OSBPL9: variants seen among roughly 807,000 people sequenced by gnomAD.
OSBPL9 encodes oxysterol-binding protein-related protein 9.
A neutral mutation model predicts 106.6 loss-of-function variants in OSBPL9; 40 were observed. That is an observed-to-expected ratio of 0.38 (90% CI 0.29 to 0.49). The LOEUF is 0.49. Among genes scored for constraint, OSBPL9 ranks in the 20% least tolerant of loss-of-function variants. The pLI, the probability that OSBPL9 is intolerant of heterozygous loss-of-function variation, is 0.97. For synonymous variants in OSBPL9, 269 were observed against 295.4 expected (o/e 0.91, Z 0.92); for missense variants, 609 against 887.2 (o/e 0.69, Z 3.98).
chr1:51,678,071 T>C (rs1651708883), intron 3 of OSBPL9, among the ~76,000 whole-genome samples: 1 of 151,936 alleles, frequency 6.6e-6, no homozygotes. Flanking sequence ...TAGTCCCAGC[T>C]ACTCTGAAAG....
At chr1:51,519,677 T>C in the OSBPL9 span, among the ~76,000 whole-genome samples, 1 of 152,170 alleles carries the variant, frequency 6.6e-6, no homozygotes, top group African/African-American at 2.4e-5. Context: ...TAGAAAATAA[T>C]AATGGCACTT....
At chr1:51,684,527 G>A (rs1653309845) in intron 3 of OSBPL9, among the ~76,000 whole-genome samples, 1 of 152,108 alleles carries the variant, frequency 6.6e-6, no homozygotes. Context: ...AAGAAAAAAA[G>A]TTTATTTATT....
chr1:51,662,022 G>A lies in OSBPL9; in HGVS notation c.163-7412G>A, dbSNP rs545472349. On this transcript the variant is annotated intron_variant, in intron 2 of 23. Coordinates refer to ENST00000428468, the MANE Select transcript of OSBPL9 (RefSeq NM_024586.6). The stretch of plus-strand genomic sequence containing the variant: ...ATGAAAGGGGGATCTATTCATTATT[G>A]AGCCAGGACAACAGGAATAATCCAG... 6.0e-4 allele frequency among the ~76,000 whole-genome samples: 92 copies of A among 152,212 alleles called. 2 individuals are homozygous for A. The South Asian group carries it at 0.019, about 31-fold the overall frequency.
chr1:51,705,414 T>A (rs1374890751), intron 3 of OSBPL9, among the ~76,000 whole-genome samples: 129 of 113,826 alleles, frequency 1.1e-3, no homozygotes, highest in Non-Finnish European at 1.6e-3. Context: ...TTTTTTTTTT[T>A]TTTTTTTTTT....
Position 51,785,653 on chromosome 1 carries a change from GT to G in OSBPL9, c.1830-153del, listed in dbSNP as rs927355419. 2.8e-5 allele frequency: 17 copies of G among 606,308 alleles called. No homozygotes were observed. In the African/African-American group the frequency reaches 3.1e-4, roughly 11 times the overall value. The allele number at this position is 606,308 out of a possible 1,614,324, so 37.6% of individuals were successfully genotyped here. On this transcript the variant is annotated intron_variant, in intron 20 of 23. Transcript: ENST00000428468. ...CCTGTTGAAGGCCCTCATTCTTATA[GT>G]TAGCCCTGGGGAGTCCAGTTCTGTT... is the stretch of plus-strand genomic sequence containing the variant.
chr1:51,633,656 CTG>C (rs1386213903), intron 1 of OSBPL9, among the ~76,000 whole-genome samples: 1 of 152,020 alleles, frequency 6.6e-6, no homozygotes, highest in Non-Finnish European at 1.5e-5. Flanking sequence ...GTCTTGCACT[CTG>C]TCACGGGGGC....
Position 51,606,823 on chromosome 1 carries a change from C to T in OSBPL9, c.-352-7482C>T, listed in dbSNP as rs575646748. Among the ~76,000 whole-genome samples, 4 of 152,166 alleles carry T rather than the reference C, an allele frequency of 2.6e-5. No individual in the cohort carries two copies. The East Asian group carries it at 7.7e-4, about 29-fold the overall frequency. On this transcript the variant is annotated intron_variant, in intron 2 of 25. Transcript: ENST00000371714. ...CAGCACTTTGGGAGGCCAAGGCGGGCAGATCACGAGGTCAGGAGATCGAGA... is the reference window on the plus strand; with the variant it reads ...CAGCACTTTGGGAGGCCAAGGCGGGTAGATCACGAGGTCAGGAGATCGAGA...
chr1:51,654,667 C>A (rs1431965440), intron 2 of OSBPL9, among the ~76,000 whole-genome samples: 1 of 152,022 alleles, frequency 6.6e-6, no homozygotes, highest in East Asian at 1.9e-4. Context: ...AAGTGGCCAT[C>A]CACTGATGAA....
Position 51,789,089 on chromosome 1 carries a change from C to CAA in OSBPL9, c.*1302_*1303dup, listed in dbSNP as rs202013399. 7,753 of 797,012 alleles carry CAA rather than the reference C, an allele frequency of 9.7e-3. 54 individuals carry two copies. Among genetic ancestry groups the CAA allele is most frequent in the South Asian group, 0.014 (846 of 59,222 alleles). 49.4% of individuals were successfully genotyped at this position (797,012 alleles called of 1,614,324 possible). A position where few individuals can be genotyped will look rare whatever the true frequency, so the allele number is the denominator to read the frequency against. ...GTAACCCTGGGTTTATTAGTCTCAA[C>CAA]AAAGGATAAAAAGTAAATCAAATGC... On this transcript the variant is annotated 3_prime_UTR_variant, in exon 24 of 24. Coordinates refer to ENST00000428468, the MANE Select transcript of OSBPL9 (RefSeq NM_024586.6).
intron 1 of OSBPL9, among the ~76,000 whole-genome samples, chr1:51,588,564 T>A (rs1570532640): frequency 6.6e-6 from 1 of 151,888 alleles, no homozygotes; most frequent in Admixed American, 6.6e-5. Flanking sequence ...AGTGGGATGG[T>A]CACTTGAGCT....
At chr1:51,694,115 T>G (rs1469570309) in intron 3 of OSBPL9, among the ~76,000 whole-genome samples, 2 of 152,214 alleles carry the variant, frequency 1.3e-5, no homozygotes, top group East Asian at 3.8e-4. Context: ...TTAAGGACTT[T>G]AAACAGCTTT....
chr1:51,626,970 G>A (rs969363423), intron 1 of OSBPL9, among the ~76,000 whole-genome samples: 3 of 152,122 alleles, frequency 2.0e-5, no homozygotes, highest in African/African-American at 7.2e-5. Flanking sequence ...GCTATAATGG[G>A]TAGGTCTGAT....
chr1:51,727,535 G>A (rs1663349725), intron 4 of OSBPL9, among the ~76,000 whole-genome samples: 1 of 152,222 alleles, frequency 6.6e-6, no homozygotes, highest in Non-Finnish European at 1.5e-5. Flanking sequence ...AGAAAGCAGA[G>A]CAGTGGTTCA....
intron 4 of OSBPL9, among the ~76,000 whole-genome samples, chr1:51,728,829 T>C (rs1571363222): frequency 6.6e-6 from 1 of 152,280 alleles, no homozygotes; most frequent in East Asian, 1.9e-4. Context: ...CTGGCCAGCA[T>C]CGCGCTGTTT....
chr1:51,784,114 A>T, intron 18 of OSBPL9, 89 bp downstream of exon 18: 2 of 1,407,114 alleles, frequency 1.4e-6, no homozygotes, highest in Non-Finnish European at 2.0e-6. Flanking sequence ...GCAACTAAGC[A>T]TTGGTATTGG....
At chr1:51,731,311 G>T (rs1664343230) in intron 4 of OSBPL9, among the ~76,000 whole-genome samples, 1 of 151,958 alleles carries the variant, frequency 6.6e-6, no homozygotes, top group African/African-American at 2.4e-5. Context: ...AGCTGAGCGT[G>T]GTGGTGATGT....
intron 3 of OSBPL9, among the ~76,000 whole-genome samples, chr1:51,691,972 CA>C (rs1301055489): frequency 6.6e-6 from 1 of 152,042 alleles, no homozygotes; most frequent in Non-Finnish European, 1.5e-5. Context: ...GGCTGTTTTA[CA>C]GCTTTAAAAA....
intron 1 of OSBPL9, among the ~76,000 whole-genome samples, chr1:51,648,535 G>T (rs1351760768): frequency 6.6e-6 from 1 of 152,170 alleles, no homozygotes; most frequent in South Asian, 2.1e-4. Flanking sequence ...ATCAGAAAAG[G>T]CTGTGTCTGG....
intron 3 of OSBPL9, among the ~76,000 whole-genome samples, chr1:51,695,227 C>A (rs2148836389): frequency 6.6e-6 from 1 of 152,276 alleles, no homozygotes; most frequent in South Asian, 2.1e-4. Context: ...TTATTTTTCC[C>A]TGCAAGCATG....
Sources: gnomAD v4.1 joint callset for allele counts (sites outside exome capture counted in the v4.1 genomes callset) on GRCh38, gnomAD v4.1.1 for gene constraint, MANE v1.5 for transcripts, NCBI Gene and HGNC (gene_info 2026-07-23, HGNC 2026-07-21) for gene names.